The following COMMD6 variants were observed in gnomAD, a reference collection of about 807,000 sequenced individuals.
The protein encoded by COMMD6 is COMM domain-containing protein 6.
A neutral mutation model predicts 13.4 loss-of-function variants in COMMD6; 11 were observed. That is an observed-to-expected ratio of 0.82 (90% CI 0.52 to 1.36). COMMD6 has a LOEUF of 1.36. Among genes scored for constraint, COMMD6 ranks in the 40% most tolerant of loss-of-function variants. COMMD6 has a pLI of 0.00. For missense variants in COMMD6, 124 were observed against 102.4 expected, an observed-to-expected ratio of 1.21 and a Z score of -0.91; for synonymous variants, 43 against 36.5, an observed-to-expected ratio of 1.18 and a Z score of -0.64.
upstream of COMMD6, among the ~76,000 whole-genome samples, chr13:75,540,218 G>A (rs376505939): frequency 2.0e-5 from 3 of 151,806 alleles, no homozygotes; most frequent in Non-Finnish European, 4.4e-5. Flanking sequence ...CAATCTGCCC[G>A]CCTCAGCCTC....
At chr13:75,527,783 A>T in intron 3 of COMMD6, 1 of 1,454,480 alleles carries the variant, frequency 6.9e-7, no homozygotes, top group Non-Finnish European at 9.1e-7. Flanking sequence ...GATCTCACTT[A>T]TATGTGGAAT....
At chr13:75,528,454 A>G (rs1566539905) in intron 3 of COMMD6, among the ~76,000 whole-genome samples, 1 of 152,228 alleles carries the variant, frequency 6.6e-6, no homozygotes, top group Admixed American at 6.5e-5. Flanking sequence ...ACTAATCAAT[A>G]TTAATAATGT....
intron 2 of COMMD6, among the ~76,000 whole-genome samples, chr13:75,535,528 C>G (rs994242269): frequency 6.6e-5 from 10 of 152,206 alleles, no homozygotes; most frequent in South Asian, 2.1e-4. Context: ...TGAGAGAAAA[C>G]AATATGCTGA....
chr13:75,534,631 T>G (rs2030599505), intron 2 of COMMD6, among the ~76,000 whole-genome samples: 1 of 152,074 alleles, frequency 6.6e-6, no homozygotes, highest in Non-Finnish European at 1.5e-5. Flanking sequence ...TATGATGAAG[T>G]ATTAAAAAAG....
chr13:75,526,404 C>CA lies in COMMD6; in HGVS notation c.*184dup. 2.0e-6 allele frequency: 1 copy of CA among 503,124 alleles called. No homozygotes were observed. The highest frequency in any genetic ancestry group is 3.5e-6 in the Non-Finnish European group (1 of 282,416). 31.2% of individuals were successfully genotyped at this position (503,124 alleles called of 1,614,324 possible). ...AATTATCACTTTTATAAAGCACATT[C>CA]ACAAAGTTTTGCATTCATCACCACT... On this transcript the variant is annotated 3_prime_UTR_variant, in exon 4 of 4. Coordinates refer to ENST00000682242, the MANE Select transcript of COMMD6 (RefSeq NM_203495.4).
Position 75,537,840 on chromosome 13 carries a change from A to T in COMMD6, c.-35T>A, listed in dbSNP as rs200274770. 1,624 of 1,572,320 alleles carry T rather than the reference A, an allele frequency of 1.0e-3. 15 individuals carry two copies. In the Admixed American group the frequency reaches 0.018, roughly 18 times the overall value. ...CTGGGACTTGCGGCCCGGACTCGAG[A>T]GAACGCCCCCAGACCAGCGCTTCCG... On this transcript the variant is annotated 5_prime_UTR_variant, in exon 1 of 4. Coordinates refer to ENST00000682242, the MANE Select transcript of COMMD6 (RefSeq NM_203495.4).
At chr13:75,531,716 T>C (rs147028856) in intron 2 of COMMD6, among the ~76,000 whole-genome samples, 5 of 152,176 alleles carry the variant, frequency 3.3e-5, no homozygotes, top group African/African-American at 9.6e-5. Flanking sequence ...TTCCAAGTAT[T>C]GGCAAGGAAG....
chr13:75,545,801 AG>A (rs1475790091), intron 1 of COMMD6, among the ~76,000 whole-genome samples: 1 of 152,094 alleles, frequency 6.6e-6, no homozygotes, highest in Non-Finnish European at 1.5e-5. Context: ...ATAGTTAATC[AG>A]GGTAGTAGTC....
At chr13:75,536,525 G>C (rs772003583) in intron 2 of COMMD6, among the ~76,000 whole-genome samples, 20 of 152,214 alleles carry the variant, frequency 1.3e-4, no homozygotes, top group Non-Finnish European at 2.8e-4. Flanking sequence ...TGGGCCTAAT[G>C]TAATTGAAAG....
At chr13:75,534,784 G>T (rs1382047446) in intron 2 of COMMD6, among the ~76,000 whole-genome samples, 1 of 152,210 alleles carries the variant, frequency 6.6e-6, no homozygotes, top group Non-Finnish European at 1.5e-5. Context: ...ACTAAAAATT[G>T]ATGTGGAGGC....
Position 75,530,098 on chromosome 13 carries a change from G to A in COMMD6, c.207+16C>T. The A allele has an allele frequency of 1.3e-6, 2 of 1,597,704 alleles. No homozygotes were observed. Among genetic ancestry groups the A allele is most frequent in the Admixed American group, 1.7e-5 (1 of 58,114 alleles). On this transcript the variant is annotated intron_variant, in intron 3 of 3. Coordinates refer to ENST00000682242, the MANE Select transcript of COMMD6 (RefSeq NM_203495.4). ...CAGAAAAGCTGAGCTAAAACTGGATGAGTTAAATCACAAACCTGAAACTGT... is the reference window on the plus strand; with the variant it reads ...CAGAAAAGCTGAGCTAAAACTGGATAAGTTAAATCACAAACCTGAAACTGT...
chr13:75,544,936 A>C (rs899479807), intron 1 of COMMD6, among the ~76,000 whole-genome samples: 7 of 151,160 alleles, frequency 4.6e-5, no homozygotes, highest in African/African-American at 1.5e-4. Context: ...CAAAAAAAAA[A>C]AAAAAACAAA....
intron 2 of COMMD6, chr13:75,530,642 T>C (rs1289690741): frequency 6.1e-6 from 1 of 164,314 alleles, no homozygotes; most frequent in South Asian, 1.7e-4. Flanking sequence ...TTAGCATGTA[T>C]AGTGATAAGG....
chr13:75,537,629 T>A, intron 2 of COMMD6, 35 bp downstream of exon 2: 1 of 1,613,570 alleles, frequency 6.2e-7, no homozygotes, highest in Non-Finnish European at 8.5e-7. Flanking sequence ...GGAGGCAGGC[T>A]GGCGGAGGAC....
upstream of COMMD6, among the ~76,000 whole-genome samples, chr13:75,541,838 T>C (rs1464004932): frequency 6.6e-6 from 1 of 152,204 alleles, no homozygotes; most frequent in African/African-American, 2.4e-5. Flanking sequence ...CCCCCAAATA[T>C]GTTACTTTCT....
At chr13:75,545,115 T>C (rs190930894) in intron 1 of COMMD6, among the ~76,000 whole-genome samples, 1 of 152,308 alleles carries the variant, frequency 6.6e-6, no homozygotes, top group Non-Finnish European at 1.5e-5. Flanking sequence ...GAATGATAGT[T>C]TGGCAATACA....
chr13:75,542,633 A>G (rs2030844680), upstream of COMMD6, among the ~76,000 whole-genome samples: 1 of 152,076 alleles, frequency 6.6e-6, no homozygotes, highest in Admixed American at 6.6e-5. Context: ...TGATTCTTAC[A>G]ATTTTCACAA....
chr13:75,530,954 A>G (rs566317171), intron 2 of COMMD6, among the ~76,000 whole-genome samples: 1 of 152,244 alleles, frequency 6.6e-6, no homozygotes, highest in Non-Finnish European at 1.5e-5. Flanking sequence ...GCCATGGCAT[A>G]AAACATGCAG....
Position 75,525,341 on chromosome 13 carries a change from G to A in COMMD6, c.*1248C>T, listed in dbSNP as rs965051957. 1.3e-5 allele frequency: 2 copies of A among 152,252 alleles called. No individual in the cohort carries two copies. Among genetic ancestry groups the A allele is most frequent in the South Asian group, 2.1e-4 (1 of 4,828 alleles). 9.4% of individuals were successfully genotyped at this position (152,252 alleles called of 1,614,324 possible). On this transcript the variant is annotated 3_prime_UTR_variant, in exon 4 of 4. Transcript: ENST00000682242. ...CCCTGCAAACAGGGAAGGGGAAAGA[G>A]GAAGGTGTTAATCCGAAGTAAGTGG... is the stretch of plus-strand genomic sequence containing the variant.
Sources: gnomAD v4.1 joint callset for allele counts (sites outside exome capture counted in the v4.1 genomes callset) on GRCh38, gnomAD v4.1.1 for gene constraint, MANE v1.5 for transcripts, NCBI Gene and HGNC (gene_info 2026-07-23, HGNC 2026-07-21) for gene names.